NFATC3: variants seen among roughly 807,000 people sequenced by gnomAD.
The protein encoded by NFATC3 is nuclear factor of activated T cells 3, also known as nuclear factor of activated T-cells, cytoplasmic 3.
A neutral mutation model predicts 98.6 loss-of-function variants in NFATC3; 46 were observed. The ratio of observed to expected loss-of-function variants is 0.47; its 90% CI spans 0.37 to 0.60. The LOEUF (loss-of-function observed/expected upper bound fraction) is 0.60, where lower values mean the gene tolerates loss of function less well. Among genes scored for constraint, NFATC3 ranks in the 20% least tolerant of loss-of-function variants. The pLI is 0.00. For missense variants in NFATC3, 1,256 were observed against 1,295.5 expected (o/e 0.97, Z 0.47); for synonymous variants, 512 against 472.2 (o/e 1.08, Z -1.09).
intron 2 of NFATC3, among the ~76,000 whole-genome samples, 159 bp from the exon 3 acceptor site, chr16:68,126,289 C>T (rs1211790985): frequency 6.6e-6 from 1 of 152,182 alleles, no homozygotes; most frequent in Non-Finnish European, 1.5e-5. Flanking sequence ...TAAGCACTCA[C>T]CATAACCAGA....
At chr16:68,133,699 ACAT>A (rs771598077) in intron 3 of NFATC3, among the ~76,000 whole-genome samples, 59 of 152,190 alleles carry the variant, frequency 3.9e-4, no homozygotes, top group Admixed American at 8.5e-4. Context: ...TTTGTATCTA[ACAT>A]CATGTATTCA....
intron 3 of NFATC3, among the ~76,000 whole-genome samples, chr16:68,130,198 T>G (rs2037045354): frequency 6.6e-6 from 1 of 152,214 alleles, no homozygotes; most frequent in Non-Finnish European, 1.5e-5. Context: ...CATATGGTAG[T>G]TCTGTTTTTA....
intron 9 of NFATC3, among the ~76,000 whole-genome samples, chr16:68,210,741 A>G (rs1365343078): frequency 6.6e-6 from 1 of 151,620 alleles, no homozygotes; most frequent in African/African-American, 2.4e-5. Context: ...TGTTTTGTTG[A>G]TTTTTGCATC....
chr16:68,155,845 A>C (rs765188900), intron 3 of NFATC3, among the ~76,000 whole-genome samples: 10 of 152,186 alleles, frequency 6.6e-5, no homozygotes, highest in African/African-American at 1.7e-4. Flanking sequence ...TGTGGCCCAC[A>C]TTAAAGAGAG....
At chr16:68,163,022 T>C (rs1598477111) in intron 4 of NFATC3, among the ~76,000 whole-genome samples, 1 of 151,992 alleles carries the variant, frequency 6.6e-6, no homozygotes, top group East Asian at 1.9e-4. Flanking sequence ...CATTTAACCC[T>C]GAGTGGACAC....
rs772345934 is a variant in NFATC3 at position 68,181,481 on chromosome 16, G to A, written c.1922G>A (p.Arg641Gln). Residue 641 changes from arginine (R) to glutamine (Q), a missense_variant, in exon 7 of 10, where the codon CGA becomes CAA. Physicochemically the swap from Arg to Gln is conservative, Grantham distance 43. Around this residue, in one of 3 missense-constraint regions of NFATC3, gnomAD observed 636 missense variants for 617.3 expected, o/e 1.03. Transcript: ENST00000346183. ...AAACTCTTTCTTTCAATAGATGGAC[G>A]ACCTCAGTGGGAGGTAGAAGGGAAG... The part of the protein sequence containing the change: ...IIFLEKGQDG[R>Q]PQWEVEGKII... The A allele has an allele frequency of 6.2e-6, 10 of 1,610,796 alleles. No individual in the cohort carries two copies. The highest frequency in any genetic ancestry group is 8.5e-6 in the Non-Finnish European group (10 of 1,177,360).
Position 68,169,666 on chromosome 16 carries a change from C to T in NFATC3, c.1774+2651C>T, listed in dbSNP as rs374719260. Among the ~76,000 whole-genome samples the T allele has an allele frequency of 1.4e-3, 211 of 152,054 alleles. 1 individual carries two copies. Among genetic ancestry groups the T allele is most frequent in the South Asian group, 0.012 (60 of 4,814 alleles). On this transcript the variant is annotated intron_variant, in intron 5 of 9. Coordinates refer to ENST00000346183, the MANE Select transcript of NFATC3 (RefSeq NM_173165.3). ...TTTTTTAAAAATAAAATTGGCCAGGCGCCGTGGCTCATAACTGTAATCCCA... is the reference window on the plus strand; with the variant it reads ...TTTTTTAAAAATAAAATTGGCCAGGTGCCGTGGCTCATAACTGTAATCCCA...
intron 1 of NFATC3, among the ~76,000 whole-genome samples, chr16:68,094,366 G>A (rs541526713): frequency 1.3e-5 from 2 of 151,802 alleles, no homozygotes; most frequent in African/African-American, 4.8e-5. Flanking sequence ...TTTTAAAAAT[G>A]CTCAATAGTC....
intron 3 of NFATC3, among the ~76,000 whole-genome samples, chr16:68,132,666 A>G (rs1248922363): frequency 6.6e-6 from 1 of 152,246 alleles, no homozygotes; most frequent in Non-Finnish European, 1.5e-5. Flanking sequence ...ATATATGCAC[A>G]ATACAATACT....
At chr16:68,149,067 A>G (rs2038184548) in intron 3 of NFATC3, among the ~76,000 whole-genome samples, 1 of 152,208 alleles carries the variant, frequency 6.6e-6, no homozygotes, top group Non-Finnish European at 1.5e-5. Flanking sequence ...TGTGTGGTAC[A>G]GCCTAGTGAT....
intron 3 of NFATC3, among the ~76,000 whole-genome samples, chr16:68,155,670 C>T (rs1409198098): frequency 6.7e-6 from 1 of 149,122 alleles, no homozygotes; most frequent in Non-Finnish European, 1.5e-5. Context: ...CAGTGCTATA[C>T]TGAATCAGAC....
At chr16:68,185,159 T>C (rs2040129155) in intron 8 of NFATC3, among the ~76,000 whole-genome samples, 1 of 152,040 alleles carries the variant, frequency 6.6e-6, no homozygotes, top group South Asian at 2.1e-4. Flanking sequence ...GTATTTTTAG[T>C]GGAGACGGGG....
At position 68,194,652 on chromosome 16, in the gene NFATC3, G is replaced by T. The variant is rs1315926813; in HGVS notation, c.3106+2877G>T. The stretch of plus-strand genomic sequence containing the variant: ...CTCATTTGTGATATAACTGAAGATA[G>T]GAGATTTATTGAGACTTTAAGAGCA... On this transcript the variant is annotated intron_variant, in intron 9 of 9. Coordinates refer to ENST00000346183, the MANE Select transcript of NFATC3 (RefSeq NM_173165.3). Among the ~76,000 whole-genome samples, 3 of 152,162 alleles carry T rather than the reference G, an allele frequency of 2.0e-5. No homozygotes were observed. In the East Asian group the frequency reaches 5.8e-4, roughly 29 times the overall value.
At chr16:68,114,576 C>CTTT (rs766989438) in intron 1 of NFATC3, among the ~76,000 whole-genome samples, 7 of 136,768 alleles carry the variant, frequency 5.1e-5, no homozygotes, top group African/African-American at 5.4e-5. Flanking sequence ...AGGAAAAGCA[C>CTTT]TTTTTTTTTT....
intron 1 of NFATC3, among the ~76,000 whole-genome samples, chr16:68,096,212 C>T (rs571798289): frequency 4.3e-4 from 66 of 152,280 alleles, no homozygotes; most frequent in African/African-American, 1.5e-3. Context: ...GCAGTCCTCC[C>T]ACCTTGGCCT....
At position 68,114,894 on chromosome 16, in the gene NFATC3, A is replaced by T. The variant is rs116729745; in HGVS notation, c.104-7093A>T. 8.9e-3 allele frequency among the ~76,000 whole-genome samples: 1,346 copies of T among 152,064 alleles called. 23 individuals are homozygous for T. The highest frequency in any genetic ancestry group is 0.031 in the African/African-American group (1,280 of 41,464). ...GGCCGGAAAACCACTTTTTAAGGAA[A>T]TCGTTTGTTTTATTTTGTAATTAAC... On this transcript the variant is annotated intron_variant, in intron 1 of 9. Transcript: ENST00000346183.
At chr16:68,143,440 G>A (rs1346279033) in intron 3 of NFATC3, among the ~76,000 whole-genome samples, 1 of 152,128 alleles carries the variant, frequency 6.6e-6, no homozygotes, top group African/African-American at 2.4e-5. Context: ...GTTTTATATT[G>A]TCTTTTTAGT....
intron 3 of NFATC3, among the ~76,000 whole-genome samples, chr16:68,143,789 C>T (rs779784136): frequency 7.9e-5 from 12 of 152,050 alleles, no homozygotes; most frequent in Non-Finnish European, 8.8e-5. Flanking sequence ...GAGGTGGAGG[C>T]TGCAGTAAGC....
chr16:68,175,747 A>T (rs2039665520), intron 6 of NFATC3, among the ~76,000 whole-genome samples: 1 of 151,920 alleles, frequency 6.6e-6, no homozygotes, highest in Admixed American at 6.6e-5. Flanking sequence ...TTTGGTAGAC[A>T]CGGGATTTTG....
Sources: allele counts gnomAD v4.1 joint callset (sites outside exome capture counted in the v4.1 genomes callset), GRCh38; gene constraint gnomAD v4.1.1; regional missense constraint gnomAD v4.1.1; transcripts MANE v1.5; gene names NCBI Gene and HGNC (gene_info 2026-07-23, HGNC 2026-07-21).